The following CHRNG variants were observed in gnomAD, a reference collection of about 807,000 sequenced individuals.
CHRNG encodes acetylcholine receptor subunit gamma.
In CHRNG, 72 loss-of-function variants were observed where a neutral mutation model predicts 65.2. The ratio of observed to expected loss-of-function variants is 1.10; its 90% CI spans 0.91 to 1.34. CHRNG has a LOEUF of 1.34. Ranked by LOEUF, CHRNG falls within the 40% of genes most tolerant of loss-of-function variation. The pLI is 0.00. For missense variants in CHRNG, 637 were observed against 680.1 expected, an observed-to-expected ratio of 0.94 and a Z score of 0.70; for synonymous variants, 284 against 290.2, an observed-to-expected ratio of 0.98 and a Z score of 0.22.
rs142273229 is a variant in CHRNG at position 232,545,243 on chromosome 2, G to T, written c.1381-300G>T. ...AATTGCTTGAACCTGGGAGGCGGAGGTTGCAGTGAGCCAAGCCAAGATCGC... is the reference window on the plus strand; with the variant it reads ...AATTGCTTGAACCTGGGAGGCGGAGTTTGCAGTGAGCCAAGCCAAGATCGC... On this transcript the variant is annotated intron_variant, in intron 11 of 11. Coordinates refer to ENST00000651502, the MANE Select transcript of CHRNG (RefSeq NM_005199.5). Among the ~76,000 whole-genome samples the T allele has an allele frequency of 0.18, 26,602 of 151,378 alleles. 2,523 individuals are homozygous for T. Among genetic ancestry groups the T allele is most frequent in the Middle Eastern group, 0.26 (75 of 290 alleles).
In CHRNG at chr2:232,545,623, C is replaced by CCCACT. The variant is rs1174277739; in HGVS notation, c.1461_1462insCCACT (p.Thr488ProfsTer50). On this transcript the variant is annotated frameshift_variant, in exon 12 of 12. Coordinates refer to ENST00000651502, the MANE Select transcript of CHRNG (RefSeq NM_005199.5). LOFTEE classifies it high-confidence loss of function. ...CCATGCTCTCGCTCTTCATCTGTGGCACAGCTGGCATCTTCCTCATGGCCC... is the reference window on the plus strand; with the variant it reads ...CCATGCTCTCGCTCTTCATCTGTGGCCCACTACAGCTGGCATCTTCCTCATGGCCC... The CCCACT allele has an allele frequency of 1.2e-6, 2 of 1,614,044 alleles. No homozygotes were observed. The highest frequency in any genetic ancestry group is 1.7e-6 in the Non-Finnish European group (2 of 1,180,044).
chr2:232,542,275 G>A (rs952287114), intron 5 of CHRNG, 148 bp from the exon 6 acceptor site: 7 of 671,672 alleles, frequency 1.0e-5, no homozygotes, highest in East Asian at 2.7e-5. Flanking sequence ...TCCATATCTC[G>A]CCAGTGGGGT....
chr2:232,543,376 C>T lies in CHRNG; in HGVS notation c.907C>T (p.Pro303Ser), dbSNP rs770179580. ...GGTGCCTGAAACCTCCCAGGCGGTG[C>T]CACTCATCAGCAAGTAAGGCTGGTC... ...KKVPETSQAV[P>S]LISKYLTFLL... Residue 303 changes from proline to serine, a missense_variant, in exon 8 of 12, where the codon CCA becomes TCA. Coordinates refer to ENST00000651502, the MANE Select transcript of CHRNG (RefSeq NM_005199.5). 2.5e-6 allele frequency: 4 copies of T among 1,612,460 alleles called. No homozygotes were observed. In the South Asian group the frequency reaches 4.4e-5, roughly 18 times the overall value.
Position 232,547,508 on chromosome 2 carries a change from T to C in CHRNG, c.*1792T>C, listed in dbSNP as rs893899344. Among the ~76,000 whole-genome samples, 5 of 152,210 alleles carry C rather than the reference T, an allele frequency of 3.3e-5. No homozygotes were observed. The highest frequency in any genetic ancestry group is 1.2e-4 in the African/African-American group (5 of 41,436). On this transcript the variant is annotated 3_prime_UTR_variant, in exon 12 of 12. Transcript: ENST00000651502. ...CAGGATATGCTGGCAGGAGGGGACC[T>C]TGGAAATATGCCCTCCCTCCAAGCA...
rs1691990904 is a variant in CHRNG at position 232,540,344 on chromosome 2, G to A, written c.196-37G>A. 2.5e-6 allele frequency: 4 copies of A among 1,613,876 alleles called. No homozygotes were observed. The highest frequency in any genetic ancestry group is 2.2e-5 in the East Asian group (1 of 44,864). ...CTGTGGGGACTGGCACTGAAGTCGGGGGCTGAGCCCTCCATACTACACCCT... is the reference window on the plus strand; with the variant it reads ...CTGTGGGGACTGGCACTGAAGTCGGAGGCTGAGCCCTCCATACTACACCCT... On this transcript the variant is annotated intron_variant, in intron 2 of 11. Transcript: ENST00000651502. This position sits in a 1 kb window ranked among gnomAD's most constrained non-coding sequence, Gnocchi z 4.2.
In CHRNG at chr2:232,541,326, G is replaced by A. The variant is rs768564164; in HGVS notation, c.351-48G>A. On this transcript the variant is annotated intron_variant, in intron 4 of 11. Coordinates refer to ENST00000651502, the MANE Select transcript of CHRNG (RefSeq NM_005199.5). The surrounding 1 kb of genome is among the most constrained non-coding windows in gnomAD (Gnocchi z 4.0). ...GGGGCTGGTCTGGGGCTGGGGTGTC[G>A]GGGGCTGAGCCCACAGCCTCGTGGC... The A allele has an allele frequency of 2.4e-5, 39 of 1,611,754 alleles. No individual in the cohort carries two copies. The highest frequency in any genetic ancestry group is 1.6e-4 in the Middle Eastern group (1 of 6,078).
chr2:232,540,150 G>C lies in CHRNG; in HGVS notation c.195+19G>C, dbSNP rs147457323. The C allele has an allele frequency of 6.2e-7, 1 of 1,614,172 alleles. No homozygotes were observed. Among genetic ancestry groups the C allele is most frequent in the South Asian group, 1.1e-5 (1 of 91,088 alleles). ...CTCCCTGGTAAGCCGCAGGACGGAG[G>C]AGGGGTCAGCGCACCACGCCCTGGG... On this transcript the variant is annotated intron_variant, in intron 2 of 11. Coordinates refer to ENST00000651502, the MANE Select transcript of CHRNG (RefSeq NM_005199.5). This position sits in a 1 kb window ranked among gnomAD's most constrained non-coding sequence, Gnocchi z 4.2.
chr2:232,543,828 G>A, intron 9 of CHRNG, 129 bp downstream of exon 9: 4 of 703,752 alleles, frequency 5.7e-6, no homozygotes, highest in Non-Finnish European at 2.6e-6. Flanking sequence ...TGGACGCATG[G>A]ACCAAAATCG....
chr2:232,541,321 G>C lies in CHRNG; in HGVS notation c.351-53G>C. 1 of 1,611,212 alleles carries C rather than the reference G, an allele frequency of 6.2e-7. No individual in the cohort carries two copies. The highest frequency in any genetic ancestry group is 8.5e-7 in the Non-Finnish European group (1 of 1,178,514). On this transcript the variant is annotated intron_variant, in intron 4 of 11. Transcript: ENST00000651502. This position sits in a 1 kb window ranked among gnomAD's most constrained non-coding sequence, Gnocchi z 4.0. ...GCACAGGGGCTGGTCTGGGGCTGGG[G>C]TGTCGGGGGCTGAGCCCACAGCCTC...
rs751155987 is a variant in CHRNG, at chr2:232,539,722, CT to C, written c.-25del. 54 of 1,612,706 alleles carry C rather than the reference CT, an allele frequency of 3.3e-5. 1 individual carries two copies. The South Asian group carries it at 5.8e-4, about 17-fold the overall frequency. ...AGACCTTGGAGCTGTTGTCCCACCC[CT>C]GTCACTGCAGAGAGCTGAGGCACCA... On this transcript the variant is annotated 5_prime_UTR_variant, in exon 1 of 12. Transcript: ENST00000651502.
rs150928642 is a variant in CHRNG, at chr2:232,544,430, G to C, written c.1099G>C (p.Val367Leu). The change falls in exon 10 of 12, where the codon GTG becomes CTG. Residue 367 changes from valine (V) to leucine (L), a missense_variant. By Grantham distance (32) the Val-to-Leu change is conservative. Coordinates refer to ENST00000651502, the MANE Select transcript of CHRNG (RefSeq NM_005199.5). Reference sequence around the variant, plus strand: ...CGTTCGCCCGCTGGCCCCGGCAGCTGTGCAGGACACCCAGTCCCGGCTACA... The same window carrying C: ...CGTTCGCCCGCTGGCCCCGGCAGCTCTGCAGGACACCCAGTCCCGGCTACA... ...MHVRPLAPAAVQDTQSRLQNG... is the reference protein window; with the variant it reads ...MHVRPLAPAALQDTQSRLQNG... The C allele has an allele frequency of 8.7e-6, 14 of 1,613,538 alleles. No individual in the cohort carries two copies. In the African/African-American group the frequency reaches 1.7e-4, roughly 20 times the overall value.
In CHRNG at chr2:232,540,653, TG is replaced by T; in HGVS notation, c.295del (p.Val99CysfsTer2). 1 of 1,613,104 alleles carries T rather than the reference TG, an allele frequency of 6.2e-7. No individual in the cohort carries two copies. On this transcript the variant is annotated frameshift_variant, in exon 4 of 12. Transcript: ENST00000651502. LOFTEE classifies it high-confidence loss of function. The surrounding 1 kb of genome is among the most constrained non-coding windows in gnomAD (Gnocchi z 4.2). Reference protein sequence around the residue: ...RWDPRDYEGLWVLRVPSTMVW... With the variant: ...RWDPRDYEGLXVLRVPSTMVW... ...GGATCCGCGAGACTACGAAGGCCTG[TG>T]GGTGCTGAGGGTGCCGTCCACCATG...
rs777563686 is a variant in CHRNG at position 232,545,755 on chromosome 2, G to A, written c.*39G>A. 1.2e-5 allele frequency: 19 copies of A among 1,607,862 alleles called. No homozygotes were observed. Among genetic ancestry groups the A allele is most frequent in the African/African-American group, 8.0e-5 (6 of 74,840 alleles). Reference sequence around the variant, plus strand: ...TGTGGGGCATGTGGGAGTCACACACGTGGGTCACACTGAGTCTTATCAGCC... The same window carrying A: ...TGTGGGGCATGTGGGAGTCACACACATGGGTCACACTGAGTCTTATCAGCC... On this transcript the variant is annotated 3_prime_UTR_variant, in exon 12 of 12. Coordinates refer to ENST00000651502, the MANE Select transcript of CHRNG (RefSeq NM_005199.5).
chr2:232,543,308 T>C lies in CHRNG; in HGVS notation c.839T>C (p.Val280Ala), dbSNP rs1448107291. The C allele has an allele frequency of 6.2e-7, 1 of 1,614,140 alleles. No individual in the cohort carries two copies. The highest frequency in any genetic ancestry group is 1.1e-5 in the South Asian group (1 of 91,080). Residue 280 changes from valine (V) to alanine (A), a missense_variant, in exon 8 of 12, where the codon GTG (valine) becomes GCG (alanine). Physicochemically the swap from Val to Ala is moderately conservative, Grantham distance 64. Transcript: ENST00000651502. ...CAGAAGTGTACCGTCGCCATCAACGTGCTCCTGGCCCAGACTGTCTTCCTC... is the reference window on the plus strand; with the variant it reads ...CAGAAGTGTACCGTCGCCATCAACGCGCTCCTGGCCCAGACTGTCTTCCTC... ...GGQKCTVAINVLLAQTVFLFL... is the reference protein window; with the variant it reads ...GGQKCTVAINALLAQTVFLFL...
rs777809198 is a variant in CHRNG, at chr2:232,540,424, TG to T, written c.240+1del. 7 of 1,613,794 alleles carry T rather than the reference TG, an allele frequency of 4.3e-6. No homozygotes were observed. In the East Asian group the frequency reaches 1.6e-4, roughly 36 times the overall value. ...EALTTNVWIEMQWCDYRLRWD... is the reference protein window; with the variant it reads ...EALTTNVWIEXQWCDYRLRWD... Reference sequence around the variant, plus strand: ...CTCACCACCAATGTCTGGATAGAGATGGTAAGAGGCCACCCTGCCACCCTCC... The same window carrying T: ...CTCACCACCAATGTCTGGATAGAGATGTAAGAGGCCACCCTGCCACCCTCC... On this transcript the variant is annotated frameshift_variant and splice_region_variant, in exon 3 of 12. Transcript: ENST00000651502. LOFTEE classifies it high-confidence loss of function. This position sits in a 1 kb window ranked among gnomAD's most constrained non-coding sequence, Gnocchi z 4.2.
Position 232,540,766 on chromosome 2 carries a change from C to A in CHRNG, c.350+55C>A. 1 of 1,485,498 alleles carries A rather than the reference C, an allele frequency of 6.7e-7. No homozygotes were observed. The highest frequency in any genetic ancestry group is 9.2e-7 in the Non-Finnish European group (1 of 1,081,972). The allele number at this position is 1,485,498 out of a possible 1,614,324, so 92.0% of individuals were successfully genotyped here. Reference sequence around the variant, plus strand: ...GGGACAAAGGACACAGGGTCTGGGCCCAGCAGAACAAGGCACTCTGGGAAA... The same window carrying A: ...GGGACAAAGGACACAGGGTCTGGGCACAGCAGAACAAGGCACTCTGGGAAA... On this transcript the variant is annotated intron_variant, in intron 4 of 11. Transcript: ENST00000651502. This position sits in a 1 kb window ranked among gnomAD's most constrained non-coding sequence, Gnocchi z 4.2.
chr2:232,540,364 C>T lies in CHRNG; in HGVS notation c.196-17C>T, dbSNP rs141979512. ...GTCGGGGGCTGAGCCCTCCATACTA[C>T]ACCCTTGCACCCCCAGAACGAGCGA... is the stretch of plus-strand genomic sequence containing the variant. On this transcript the variant is annotated splice_polypyrimidine_tract_variant and intron_variant, in intron 2 of 11. Transcript: ENST00000651502. The surrounding 1 kb of genome is among the most constrained non-coding windows in gnomAD (Gnocchi z 4.2). The T allele has an allele frequency of 1.4e-5, 22 of 1,614,048 alleles. No homozygotes were observed. Among genetic ancestry groups the T allele is most frequent in the Admixed American group, 1.2e-4 (7 of 60,022 alleles).
intron 8 of CHRNG, 92 bp downstream of exon 8, chr2:232,543,481 C>CA: frequency 1.0e-6 from 1 of 984,918 alleles, no homozygotes; most frequent in Admixed American, 2.9e-5. Context: ...CCTCCATCCA[C>CA]CCCCCCCATC....
rs549523532 is a variant in CHRNG at position 232,547,627 on chromosome 2, C to A, written c.*1911C>A. ...CTGTGCATGCACAGTGTGTTTGAAG[C>A]AAGAGCAGAGTCAGAGCTATAGAGA... is the stretch of plus-strand genomic sequence containing the variant. On this transcript the variant is annotated 3_prime_UTR_variant, in exon 12 of 12. Transcript: ENST00000651502. Among the ~76,000 whole-genome samples the A allele has an allele frequency of 2.9e-4, 44 of 152,168 alleles. No individual in the cohort carries two copies. In the South Asian group the frequency reaches 8.1e-3, roughly 28 times the overall value.
Sources: gnomAD v4.1 joint callset for allele counts (sites outside exome capture counted in the v4.1 genomes callset) on GRCh38, gnomAD v4.1.1 for gene constraint, Gnocchi (gnomAD v3.1) non-coding constraint, MANE v1.5 for transcripts, NCBI Gene and HGNC (gene_info 2026-07-23, HGNC 2026-07-21) for gene names.